Variants in FARS2 observed in about 807,000 individuals in gnomAD.
FARS2 encodes the protein phenylalanine--tRNA ligase, mitochondrial.
In FARS2, 40 loss-of-function variants were observed where a neutral mutation model predicts 46.4. That is an observed-to-expected ratio of 0.86 (90% CI 0.67 to 1.12). The LOEUF is 1.12. FARS2 is among the 50% of genes most tolerant of loss of function. FARS2 has a pLI of 0.00. For missense variants in FARS2, 513 were observed against 567.9 expected (o/e 0.90, Z 0.98); for synonymous variants, 234 against 214.9 (o/e 1.09, Z -0.78).
intron 1 of FARS2, among the ~76,000 whole-genome samples, chr6:5,342,854 G>C (rs1251080896): frequency 6.6e-6 from 1 of 152,122 alleles, no homozygotes; most frequent in African/African-American, 2.4e-5. Context: ...TTGTCCAAGT[G>C]ATAGGAGGGA....
chr6:5,450,411 G>C (rs957502242), intron 4 of FARS2, among the ~76,000 whole-genome samples: 1 of 151,878 alleles, frequency 6.6e-6, no homozygotes, highest in Non-Finnish European at 1.5e-5. Flanking sequence ...TTTGGTAAGG[G>C]GCCAAGTGGT....
At position 5,365,317 on chromosome 6, in the gene FARS2, CTT is replaced by C. The variant is rs61097603; in HGVS notation, c.-21-3205_-21-3204del. 7.8e-4 allele frequency among the ~76,000 whole-genome samples: 33 copies of C among 42,490 alleles called. No homozygotes were observed. The South Asian group carries it at 0.01, about 13-fold the overall frequency. 27.9% of individuals were successfully genotyped at this position (42,490 alleles called of 152,430 possible). A position where few individuals can be genotyped will look rare whatever the true frequency, so the allele number is the denominator to read the frequency against. The stretch of plus-strand genomic sequence containing the variant: ...GACCTTTGATTGAGAAGTATACTTT[CTT>C]TTTTTTTTTTTTTTTTTTTTTTTTT... On this transcript the variant is annotated intron_variant, in intron 1 of 6. Transcript: ENST00000274680.
At chr6:5,267,083 G>T (rs954930260) in intron 1 of FARS2, among the ~76,000 whole-genome samples, 1 of 151,476 alleles carries the variant, frequency 6.6e-6, no homozygotes, top group Non-Finnish European at 1.5e-5. Context: ...GTATTTGTGG[G>T]CAGTAACAAC....
intron 6 of FARS2, among the ~76,000 whole-genome samples, chr6:5,723,502 G>C (rs1025275257): frequency 3.9e-5 from 6 of 152,152 alleles, no homozygotes; most frequent in Non-Finnish European, 2.9e-5. Flanking sequence ...TCATAGGCTT[G>C]TTGAGAACAT....
At chr6:5,734,887 A>G (rs1319652062) in intron 6 of FARS2, among the ~76,000 whole-genome samples, 1 of 152,222 alleles carries the variant, frequency 6.6e-6, no homozygotes, top group Non-Finnish European at 1.5e-5. Flanking sequence ...TGTCTGTCAC[A>G]CAGATAGAAA....
At chr6:5,418,109 C>T (rs1393095169) in intron 3 of FARS2, among the ~76,000 whole-genome samples, 1 of 152,078 alleles carries the variant, frequency 6.6e-6, no homozygotes, top group Non-Finnish European at 1.5e-5. Context: ...TTTCTTCTAG[C>T]TTTTTGAACA....
At chr6:5,632,240 G>T (rs1027711551) in intron 6 of FARS2, among the ~76,000 whole-genome samples, 1 of 152,126 alleles carries the variant, frequency 6.6e-6, no homozygotes, top group South Asian at 2.1e-4. Context: ...CAGGCGAGAC[G>T]TGCTCTACAG....
At chr6:5,336,276 G>A (rs1348926202) in intron 1 of FARS2, among the ~76,000 whole-genome samples, 2 of 150,634 alleles carry the variant, frequency 1.3e-5, no homozygotes, top group South Asian at 4.2e-4. Context: ...ATCACTTCAG[G>A]GTTATAAAAT....
At chr6:5,382,007 T>G (rs1759826551) in intron 2 of FARS2, among the ~76,000 whole-genome samples, 1 of 152,242 alleles carries the variant, frequency 6.6e-6, no homozygotes, top group Non-Finnish European at 1.5e-5. Flanking sequence ...AAGAGCAGAC[T>G]CTGGGACAGT....
At chr6:5,502,378 T>C (rs1767855950) in intron 4 of FARS2, among the ~76,000 whole-genome samples, 1 of 152,246 alleles carries the variant, frequency 6.6e-6, no homozygotes, top group Non-Finnish European at 1.5e-5. Flanking sequence ...AAGTTATTCA[T>C]TTATTTTACT....
chr6:5,667,845 T>G (rs1459562278), intron 6 of FARS2, among the ~76,000 whole-genome samples: 1 of 152,250 alleles, frequency 6.6e-6, no homozygotes, highest in Non-Finnish European at 1.5e-5. Flanking sequence ...TTAACTTTAG[T>G]GGGTTGAAAA....
chr6:5,642,465 A>T (rs898544110), intron 6 of FARS2, among the ~76,000 whole-genome samples: 1 of 152,200 alleles, frequency 6.6e-6, no homozygotes, highest in Non-Finnish European at 1.5e-5. Context: ...CTAAAAAAAA[A>T]TTGTAATTTT....
At chr6:5,473,444 G>A (rs959399198) in intron 4 of FARS2, among the ~76,000 whole-genome samples, 5 of 151,318 alleles carry the variant, frequency 3.3e-5, no homozygotes, top group Non-Finnish European at 7.4e-5. Flanking sequence ...GGAGAATGGT[G>A]TGAACCCGGG....
intron 6 of FARS2, among the ~76,000 whole-genome samples, chr6:5,756,014 T>G (rs1465454676): frequency 6.6e-6 from 1 of 152,228 alleles, no homozygotes; most frequent in Non-Finnish European, 1.5e-5. Flanking sequence ...TTGTTTTGTT[T>G]TGTTTTCCCT....
At position 5,622,555 on chromosome 6, in the gene FARS2, C is replaced by T. The variant is rs538698293; in HGVS notation, c.1217+9235C>T. ...CTGCCCTCATGAATGGGATTCGTGC[C>T]CTTATAGAAGAGGCTTCAGAGAGCT... On this transcript the variant is annotated intron_variant, in intron 6 of 6. Coordinates refer to ENST00000274680, the MANE Select transcript of FARS2 (RefSeq NM_006567.5). Among the ~76,000 whole-genome samples, 4 of 152,262 alleles carry T rather than the reference C, an allele frequency of 2.6e-5. No homozygotes were observed. In the East Asian group the frequency reaches 5.8e-4, roughly 22 times the overall value.
At chr6:5,341,021 G>A (rs1054419780) in intron 1 of FARS2, among the ~76,000 whole-genome samples, 1 of 150,610 alleles carries the variant, frequency 6.6e-6, no homozygotes, top group Non-Finnish European at 1.5e-5. Context: ...GGTGACGTGC[G>A]CCTGTAATCC....
At chr6:5,272,591 A>G (rs890251517) in intron 1 of FARS2, 3 of 152,192 alleles carry the variant, frequency 2.0e-5, no homozygotes, top group African/African-American at 4.8e-5. Flanking sequence ...TAATACATTC[A>G]TATAATTTAT....
At chr6:5,750,604 C>T (rs760444023) in intron 6 of FARS2, among the ~76,000 whole-genome samples, 3 of 152,042 alleles carry the variant, frequency 2.0e-5, no homozygotes, top group Admixed American at 6.6e-5. Flanking sequence ...AAGAAGGGAT[C>T]AATGGTAGAC....
At chr6:5,490,340 T>C (rs1767029543) in intron 4 of FARS2, among the ~76,000 whole-genome samples, 1 of 152,262 alleles carries the variant, frequency 6.6e-6, no homozygotes. Flanking sequence ...CTGTTGTGTA[T>C]TAATGCTGCT....
Sources: gnomAD v4.1 joint callset for allele counts (sites outside exome capture counted in the v4.1 genomes callset) on GRCh38, gnomAD v4.1.1 for gene constraint, MANE v1.5 for transcripts, NCBI Gene and HGNC (gene_info 2026-07-23, HGNC 2026-07-21) for gene names.